SNTB1: variants seen among roughly 807,000 people sequenced by gnomAD.
The protein encoded by SNTB1 is syntrophin beta 1, also known as beta-1-syntrophin.
In SNTB1, 36 loss-of-function variants were observed where a neutral mutation model predicts 48.9. That is an observed-to-expected ratio of 0.74 (90% CI 0.56 to 0.97). The LOEUF (loss-of-function observed/expected upper bound fraction) is 0.97, where lower values mean the gene tolerates loss of function less well. SNTB1 is among the 50% of genes least tolerant of loss of function. SNTB1 has a pLI of 0.00. For synonymous variants in SNTB1, 299 were observed against 294.6 expected (o/e 1.01, Z -0.15); for missense variants, 786 against 703.4 (o/e 1.12, Z -1.33).
intron 2 of SNTB1, among the ~76,000 whole-genome samples, chr8:120,663,765 T>C (rs532200634): frequency 1.3e-5 from 2 of 152,140 alleles, no homozygotes; most frequent in African/African-American, 2.4e-5. Flanking sequence ...GGAAGACAGA[T>C]TGGAGAAGAC....
intron 1 of SNTB1, among the ~76,000 whole-genome samples, chr8:120,780,135 G>GCTAT (rs1201170394): frequency 6.6e-6 from 1 of 151,006 alleles, no homozygotes; most frequent in Admixed American, 6.6e-5. Flanking sequence ...AGGAAAGAGT[G>GCTAT]CTATCACAAA....
At chr8:120,777,397 G>T (rs1819752944) in intron 1 of SNTB1, among the ~76,000 whole-genome samples, 1 of 152,120 alleles carries the variant, frequency 6.6e-6, no homozygotes, top group Non-Finnish European at 1.5e-5. Context: ...GAGGATTTCT[G>T]ATTGATAGCT....
At chr8:120,735,834 C>T (rs1818932088) in intron 1 of SNTB1, among the ~76,000 whole-genome samples, 1 of 152,184 alleles carries the variant, frequency 6.6e-6, no homozygotes, top group Non-Finnish European at 1.5e-5. Context: ...GAAGAACAGG[C>T]AGGAGGCAGG....
chr8:120,683,374 C>T (rs572887627), intron 2 of SNTB1, among the ~76,000 whole-genome samples: 77 of 152,126 alleles, frequency 5.1e-4, no homozygotes, highest in African/African-American at 1.8e-3. Flanking sequence ...GCCACTGACA[C>T]CTGGGTTTTC....
rs1820384574 is a variant in SNTB1, at chr8:120,808,980, T to G, written c.571+2293A>C. On this transcript the variant is annotated intron_variant, in intron 1 of 6. Transcript: ENST00000517992. ...GCCCTGCCATACAACCAGATTACAT[T>G]TTCAAAGCCTCTCCTATGTAGAAAC... Among the ~76,000 whole-genome samples the G allele has an allele frequency of 2.0e-5, 3 of 152,222 alleles. No individual in the cohort carries two copies. In the South Asian group the frequency reaches 6.2e-4, roughly 32 times the overall value.
chr8:120,607,660 T>C (rs763800402), intron 3 of SNTB1, among the ~76,000 whole-genome samples: 2 of 152,196 alleles, frequency 1.3e-5, no homozygotes, highest in Admixed American at 6.5e-5. Context: ...TTTAAATGAG[T>C]AGCTGAAAGC....
chr8:120,601,754 G>C (rs1005317510), intron 3 of SNTB1, among the ~76,000 whole-genome samples: 7 of 152,172 alleles, frequency 4.6e-5, no homozygotes, highest in African/African-American at 1.7e-4. Context: ...TAAATTGCTT[G>C]GTTGCAGGTT....
rs1170225611 is a variant in SNTB1, at chr8:120,535,870, G to C, written c.*3007C>G. 1 of 152,012 alleles carries C rather than the reference G, an allele frequency of 6.6e-6. No homozygotes were observed. The highest frequency in any genetic ancestry group is 6.5e-5 in the Admixed American group (1 of 15,278). The allele number at this position is 152,012 out of a possible 1,614,324, so 9.4% of individuals were successfully genotyped here. ...TACATCCAAAAATTACCCCCTCACT[G>C]TAGCCTACTCCAATCCCCTCAAGAC... is the stretch of plus-strand genomic sequence containing the variant. On this transcript the variant is annotated 3_prime_UTR_variant, in exon 7 of 7. Transcript: ENST00000517992.
At chr8:120,678,215 C>T (rs1045720162) in intron 2 of SNTB1, among the ~76,000 whole-genome samples, 5 of 152,040 alleles carry the variant, frequency 3.3e-5, no homozygotes, top group African/African-American at 1.2e-4. Flanking sequence ...AGAACAGTTA[C>T]TGCTCAAATG....
chr8:120,559,201 C>T (rs59110305), intron 4 of SNTB1, among the ~76,000 whole-genome samples: 4,257 of 152,248 alleles, frequency 0.028, 189 homozygotes, highest in African/African-American at 0.098. Context: ...TTTATGAGAA[C>T]AGCCTAACAT....
chr8:120,724,031 C>G (rs539092119), intron 1 of SNTB1, among the ~76,000 whole-genome samples: 1 of 152,334 alleles, frequency 6.6e-6, no homozygotes, highest in African/African-American at 2.4e-5. Flanking sequence ...GTCTGAAACT[C>G]AGCTCCATGA....
At chr8:120,801,052 G>T (rs1217782867) in intron 1 of SNTB1, among the ~76,000 whole-genome samples, 2 of 151,970 alleles carry the variant, frequency 1.3e-5, no homozygotes, top group Non-Finnish European at 2.9e-5. Context: ...GCAGAAGAGG[G>T]TGTGGAGAAA....
chr8:120,682,107 A>G (rs1436218211), intron 2 of SNTB1, among the ~76,000 whole-genome samples: 1 of 152,188 alleles, frequency 6.6e-6, no homozygotes, highest in Non-Finnish European at 1.5e-5. Context: ...AAAGTAAAAA[A>G]AAAGGTAATG....
chr8:120,552,280 A>G (rs998078065), intron 4 of SNTB1, among the ~76,000 whole-genome samples: 1 of 152,264 alleles, frequency 6.6e-6, no homozygotes, highest in African/African-American at 2.4e-5. Context: ...AATGAGGTCT[A>G]AGAAAACCTG....
intron 3 of SNTB1, among the ~76,000 whole-genome samples, chr8:120,626,323 T>G (rs1435447138): frequency 6.6e-6 from 1 of 152,192 alleles, no homozygotes; most frequent in Non-Finnish European, 1.5e-5. Context: ...ATCTCTCAGT[T>G]CTGCCTTTGC....
rs184252434 is a variant in SNTB1, at chr8:120,756,139, A to G, written c.571+55134T>C. On this transcript the variant is annotated intron_variant, in intron 1 of 6. Coordinates refer to ENST00000517992, the MANE Select transcript of SNTB1 (RefSeq NM_021021.4). ...ATAATGAGCATATCCAACATAGTCA[A>G]TCTCTACCCTTCTACCTCCAACATC... 2.6e-3 allele frequency among the ~76,000 whole-genome samples: 397 copies of G among 152,226 alleles called. 2 individuals carry two copies. The highest frequency in any genetic ancestry group is 4.1e-3 in the Non-Finnish European group (281 of 67,984).
intron 3 of SNTB1, among the ~76,000 whole-genome samples, chr8:120,602,791 T>C (rs1816442809): frequency 1.3e-5 from 2 of 150,622 alleles, no homozygotes; most frequent in African/African-American, 4.9e-5. Context: ...TTTTTAAAAA[T>C]TATATATATA....
At chr8:120,674,038 C>T (rs527886817) in intron 2 of SNTB1, among the ~76,000 whole-genome samples, 23 of 152,236 alleles carry the variant, frequency 1.5e-4, no homozygotes, top group African/African-American at 4.8e-4. Flanking sequence ...ATGGGTTTGG[C>T]AAACTGTTAT....
intron 1 of SNTB1, among the ~76,000 whole-genome samples, chr8:120,736,403 C>T (rs1435982286): frequency 6.6e-6 from 1 of 152,116 alleles, no homozygotes; most frequent in Non-Finnish European, 1.5e-5. Context: ...TAAGACTCTG[C>T]AACAGGCAGG....
Sources: allele counts gnomAD v4.1 joint callset (sites outside exome capture counted in the v4.1 genomes callset), GRCh38; gene constraint gnomAD v4.1.1; transcripts MANE v1.5; gene names NCBI Gene and HGNC (gene_info 2026-07-23, HGNC 2026-07-21).